Variants in CAST observed in about 807,000 individuals in gnomAD.
The protein encoded by CAST is calpastatin, also known as MIR583 host.
In CAST, 76 loss-of-function variants were observed where a neutral mutation model predicts 119.6. That is an observed-to-expected ratio of 0.64 (90% confidence interval 0.53 to 0.77). CAST has a LOEUF of 0.77. Ranked by LOEUF, CAST falls within the 30% of genes least tolerant of loss-of-function variation. CAST has a pLI of 0.00. For missense variants in CAST, 953 were observed against 946.5 expected, an observed-to-expected ratio of 1.01 and a Z score of -0.09; for synonymous variants, 319 against 331.6, an observed-to-expected ratio of 0.96 and a Z score of 0.41.
the CAST span, among the ~76,000 whole-genome samples, chr5:96,069,449 AGT>A: frequency 6.7e-6 from 1 of 149,920 alleles, no homozygotes; most frequent in East Asian, 2.0e-4. Context: ...ATGCCCCAAT[AGT>A]GTGTGTGTAT....
chr5:96,267,227 A>C, the CAST span, among the ~76,000 whole-genome samples: 30 of 152,338 alleles, frequency 2.0e-4, no homozygotes, highest in African/African-American at 6.3e-4. Flanking sequence ...TTCAAGAGGG[A>C]GTTGAGCAAC....
At chr5:96,705,531 T>C (rs1343951054) in intron 3 of CAST, among the ~76,000 whole-genome samples, 1 of 152,062 alleles carries the variant, frequency 6.6e-6, no homozygotes, top group Non-Finnish European at 1.5e-5. Flanking sequence ...CAAGGTGACA[T>C]TGTTGGACCC....
chr5:96,109,776 A>G, the CAST span, among the ~76,000 whole-genome samples: 1 of 152,196 alleles, frequency 6.6e-6, no homozygotes, highest in African/African-American at 2.4e-5. Context: ...GCGGTAGAGT[A>G]GTTTTCCCTG....
chr5:96,523,949 G>T (rs189871842), upstream of CAST, among the ~76,000 whole-genome samples: 61 of 152,328 alleles, frequency 4.0e-4, no homozygotes, highest in African/African-American at 1.5e-3. Flanking sequence ...TCTATTACCA[G>T]TATCCCCGTC....
chr5:96,727,558 T>C, intron 6 of CAST, 28 bp downstream of exon 6: 1 of 1,433,914 alleles, frequency 7.0e-7, no homozygotes, highest in Non-Finnish European at 9.6e-7. Context: ...GTTAGTTAGT[T>C]ATTTGGATTC....
At chr5:96,211,508 T>G in the CAST span, among the ~76,000 whole-genome samples, 1 of 152,096 alleles carries the variant, frequency 6.6e-6, no homozygotes, top group African/African-American at 2.4e-5. Context: ...GGAATATACT[T>G]AATTTCTCTA....
At chr5:96,452,722 G>A in the CAST span, among the ~76,000 whole-genome samples, 1 of 144,620 alleles carries the variant, frequency 6.9e-6, no homozygotes, top group East Asian at 2.0e-4. Flanking sequence ...AGGCCGAGGC[G>A]GGTGGATCAT....
At chr5:96,439,718 T>A in the CAST span, among the ~76,000 whole-genome samples, 2 of 152,140 alleles carry the variant, frequency 1.3e-5, no homozygotes, top group African/African-American at 4.8e-5. Flanking sequence ...TTCTAGCAGG[T>A]GCCACTGAGG....
rs577905956 is a variant in CAST at position 96,742,690 on chromosome 5, G to A, written c.1134G>A (p.Ser378=). ...GTGATCAAGCACTCGAGGCTCTGTC[G>A]GCTTCACTGGGCACCCGGCAAGCAG... ...TMSDQALEAL[S]ASLGTRQAEP... is the part of the protein sequence containing the mutation. Residue 378 remains serine (S), a synonymous_variant, in exon 16 of 32, where the codon TCG becomes TCA. Coordinates refer to ENST00000675179, the MANE Select transcript of CAST (RefSeq NM_001750.7). 6.6e-5 allele frequency: 107 copies of A among 1,613,810 alleles called. No homozygotes were observed. Among genetic ancestry groups the A allele is most frequent in the Admixed American group, 1.2e-4 (7 of 59,998 alleles).
At chr5:96,005,043 T>G in the CAST span, among the ~76,000 whole-genome samples, 1,161 of 152,298 alleles carry the variant, frequency 7.6e-3, 15 homozygotes, top group African/African-American at 0.027. Context: ...AGAGAAAATA[T>G]TTTTCATTCT....
chr5:95,986,863 G>A, the CAST span, among the ~76,000 whole-genome samples: 1 of 152,252 alleles, frequency 6.6e-6, no homozygotes, highest in Admixed American at 6.5e-5. Flanking sequence ...TTATGTGCCA[G>A]GGTAGGGTTA....
At chr5:96,225,898 C>T in the CAST span, among the ~76,000 whole-genome samples, 4 of 152,132 alleles carry the variant, frequency 2.6e-5, no homozygotes, top group Non-Finnish European at 2.9e-5. Flanking sequence ...CCTCACCATT[C>T]TTCTTCTCCT....
At chr5:96,592,294 G>T (rs966964339) in intron 1 of CAST, among the ~76,000 whole-genome samples, 1 of 151,978 alleles carries the variant, frequency 6.6e-6, no homozygotes. Flanking sequence ...CTAGCTGCTT[G>T]GGAGGCTGAG....
chr5:96,083,067 G>A, the CAST span, among the ~76,000 whole-genome samples: 2 of 152,154 alleles, frequency 1.3e-5, no homozygotes, highest in South Asian at 2.1e-4. Context: ...AAGAGCCATC[G>A]GTTTAGATTG....
chr5:96,162,070 C>A, the CAST span, among the ~76,000 whole-genome samples: 2 of 152,166 alleles, frequency 1.3e-5, no homozygotes, highest in African/African-American at 4.8e-5. Flanking sequence ...AGAGAACTTA[C>A]ACTTCTTCTT....
chr5:96,765,952 C>A, intron 26 of CAST, 101 bp from the exon 27 acceptor site: 1 of 709,302 alleles, frequency 1.4e-6, no homozygotes. Context: ...TATGTTTTGC[C>A]TCATGAAAGT....
chr5:96,622,127 A>C (rs1747621917), intron 1 of CAST, among the ~76,000 whole-genome samples: 1 of 150,928 alleles, frequency 6.6e-6, no homozygotes, highest in South Asian at 2.1e-4. Flanking sequence ...CCACCACCAC[A>C]CCTGGCTAGT....
the CAST span, among the ~76,000 whole-genome samples, chr5:96,199,227 T>G: frequency 6.6e-6 from 1 of 152,280 alleles, no homozygotes; most frequent in East Asian, 1.9e-4. Context: ...ATATATCTCA[T>G]CATTTTATTT....
chr5:96,387,540 C>A, the CAST span, among the ~76,000 whole-genome samples: 894 of 125,184 alleles, frequency 7.1e-3, 17 homozygotes, highest in African/African-American at 0.029. Context: ...TTTATTATTA[C>A]AAATCTCTCT....
Sources: allele counts gnomAD v4.1 joint callset (sites outside exome capture counted in the v4.1 genomes callset), GRCh38; gene constraint gnomAD v4.1.1; transcripts MANE v1.5; gene names NCBI Gene and HGNC (gene_info 2026-07-23, HGNC 2026-07-21).